Variants in PKN2 observed in about 807,000 individuals in gnomAD.
PKN2 encodes protein kinase N2, also known as serine/threonine-protein kinase N2.
Under a neutral mutation model 119.1 loss-of-function variants are expected in PKN2, and 38 were observed. That is an observed-to-expected ratio of 0.32 (90% CI 0.25 to 0.42). The LOEUF (loss-of-function observed/expected upper bound fraction) is 0.42. Among genes scored for constraint, PKN2 ranks in the 10% least tolerant of loss-of-function variants. The pLI is 1.00. For missense variants in PKN2, 850 were observed against 1,165.1 expected (o/e 0.73, Z 3.94); for synonymous variants, 390 against 384.9 (o/e 1.01, Z -0.15).
At position 88,834,030 on chromosome 1, in the gene PKN2, T is replaced by C. The variant is rs900659440; in HGVS notation, c.*582T>C. The C allele has an allele frequency of 6.6e-6, 1 of 152,134 alleles. No homozygotes were observed. The highest frequency in any genetic ancestry group is 2.1e-4 in the South Asian group (1 of 4,840). The allele number at this position is 152,134 out of a possible 1,614,324, so 9.4% of individuals were successfully genotyped here. ...TTGATGTCTTATTTTATAAATGTTC[T>C]ATATTTATTAGGAGAAAACTTTATA... On this transcript the variant is annotated 3_prime_UTR_variant, in exon 22 of 22. Coordinates refer to ENST00000370521, the MANE Select transcript of PKN2 (RefSeq NM_006256.4).
At chr1:88,770,773 G>A (rs904169945) in intron 4 of PKN2, among the ~76,000 whole-genome samples, 1 of 151,366 alleles carries the variant, frequency 6.6e-6, no homozygotes, top group Non-Finnish European at 1.5e-5. Flanking sequence ...TTTTAGTAGA[G>A]ACGGGGTTTC....
In PKN2 at chr1:88,755,893, A is replaced by G. The variant is rs569799711; in HGVS notation, c.350-4329A>G. Among the ~76,000 whole-genome samples, 10 of 151,914 alleles carry G rather than the reference A, an allele frequency of 6.6e-5. No individual in the cohort carries two copies. The South Asian group carries it at 1.7e-3, about 25-fold the overall frequency. ...TATGTAGTATTTTTACAAATTCACAAACTATCAGATCAATTGGTATATCTT... is the reference window on the plus strand; with the variant it reads ...TATGTAGTATTTTTACAAATTCACAGACTATCAGATCAATTGGTATATCTT... On this transcript the variant is annotated intron_variant, in intron 2 of 21. Coordinates refer to ENST00000370521, the MANE Select transcript of PKN2 (RefSeq NM_006256.4).
In PKN2 at chr1:88,807,610, C is replaced by T; in HGVS notation, c.2010+6C>T. ...GAAGAGGACATTTTGGAAAGGTAAT[C>T]TTTTTGGAATTTTTTGGAATATCTA... On this transcript the variant is annotated splice_donor_region_variant and intron_variant, in intron 14 of 21. Coordinates refer to ENST00000370521, the MANE Select transcript of PKN2 (RefSeq NM_006256.4). 1 of 1,604,790 alleles carries T rather than the reference C, an allele frequency of 6.2e-7. No homozygotes were observed. The highest frequency in any genetic ancestry group is 1.7e-4 in the Middle Eastern group (1 of 6,020).
chr1:88,772,851 C>T (rs1477008628), intron 6 of PKN2, among the ~76,000 whole-genome samples: 1 of 151,774 alleles, frequency 6.6e-6, no homozygotes. Flanking sequence ...TATTTTTTTT[C>T]ATTCTTCTTT....
intron 1 of PKN2, among the ~76,000 whole-genome samples, chr1:88,729,788 C>G (rs1375006858): frequency 6.6e-6 from 1 of 152,118 alleles, no homozygotes; most frequent in Non-Finnish European, 1.5e-5. Flanking sequence ...TAACAATGCA[C>G]CATAGCTTCG....
intron 6 of PKN2, among the ~76,000 whole-genome samples, chr1:88,784,034 A>G (rs1670464016): frequency 6.6e-6 from 1 of 151,386 alleles, no homozygotes; most frequent in Non-Finnish European, 1.5e-5. Flanking sequence ...CATATTATTT[A>G]GCTTTATGTT....
intron 6 of PKN2, among the ~76,000 whole-genome samples, chr1:88,773,792 AAG>A (rs1237626327): frequency 6.6e-6 from 1 of 152,134 alleles, no homozygotes; most frequent in African/African-American, 2.4e-5. Context: ...GAAAGAAAGA[AAG>A]AGAGAGAAAC....
At chr1:88,687,815 G>A (rs1666163902) in intron 1 of PKN2, among the ~76,000 whole-genome samples, 1 of 152,156 alleles carries the variant, frequency 6.6e-6, no homozygotes, top group Non-Finnish European at 1.5e-5. Flanking sequence ...TGACAAGATA[G>A]GTTTTTGCTT....
chr1:88,822,046 G>T, intron 17 of PKN2, 43 bp downstream of exon 17: 3 of 1,410,122 alleles, frequency 2.1e-6, no homozygotes, highest in South Asian at 1.4e-5. Context: ...GCTTTGGTAT[G>T]ATTTAGAATT....
intron 16 of PKN2, among the ~76,000 whole-genome samples, chr1:88,820,233 T>TATATAA (rs1672212653): frequency 9.5e-5 from 5 of 52,716 alleles, no homozygotes; most frequent in Non-Finnish European, 1.8e-4. Context: ...TATATATATA[T>TATATAA]AAATAGAAAA....
intron 11 of PKN2, 39 bp from the exon 12 acceptor site, chr1:88,805,852 T>C: frequency 1.9e-6 from 3 of 1,611,610 alleles, no homozygotes; most frequent in Non-Finnish European, 2.5e-6. Context: ...ATACAGACTT[T>C]CTATTACTGT....
At chr1:88,767,136 CATT>C (rs1669696356) in intron 3 of PKN2, among the ~76,000 whole-genome samples, 1 of 152,068 alleles carries the variant, frequency 6.6e-6, no homozygotes, top group South Asian at 2.1e-4. Context: ...GACACTTAAT[CATT>C]ATTTTTATTG....
At chr1:88,743,997 A>G (rs1668672523) in intron 2 of PKN2, among the ~76,000 whole-genome samples, 1 of 152,118 alleles carries the variant, frequency 6.6e-6, no homozygotes, top group Non-Finnish European at 1.5e-5. Flanking sequence ...TCAAATTTTT[A>G]TTTTATTAAA....
intron 16 of PKN2, among the ~76,000 whole-genome samples, chr1:88,815,070 A>G (rs1335526439): frequency 2.0e-5 from 3 of 152,230 alleles, no homozygotes; most frequent in Non-Finnish European, 4.4e-5. Flanking sequence ...AAGGCTACGA[A>G]TAATTCATTC....
intron 1 of PKN2, among the ~76,000 whole-genome samples, chr1:88,692,436 T>A (rs1444384342): frequency 1.3e-5 from 2 of 152,222 alleles, no homozygotes; most frequent in Non-Finnish European, 2.9e-5. Flanking sequence ...TAAGAGATGA[T>A]GCAGAACTTT....
chr1:88,819,048 T>G (rs928211310), intron 16 of PKN2, among the ~76,000 whole-genome samples: 1 of 151,852 alleles, frequency 6.6e-6, no homozygotes, highest in African/African-American at 2.4e-5. Flanking sequence ...ATTAAAGACT[T>G]GAACATAAGA....
chr1:88,719,496 T>C (rs1667583675), intron 1 of PKN2, among the ~76,000 whole-genome samples: 1 of 152,320 alleles, frequency 6.6e-6, no homozygotes, highest in African/African-American at 2.4e-5. Context: ...TTAGTTTTGT[T>C]GTTGTTTTGT....
intron 1 of PKN2, among the ~76,000 whole-genome samples, chr1:88,705,956 A>G (rs773728013): frequency 3.3e-5 from 5 of 151,824 alleles, no homozygotes; most frequent in Non-Finnish European, 5.9e-5. Flanking sequence ...CCTTTTTCAA[A>G]TTTGTTTTGA....
At chr1:88,795,196 T>C (rs1671011572) in intron 8 of PKN2, among the ~76,000 whole-genome samples, 1 of 152,190 alleles carries the variant, frequency 6.6e-6, no homozygotes, top group African/African-American at 2.4e-5. Flanking sequence ...TTTTGTATCT[T>C]CCTCCTTGGT....
Sources: allele counts gnomAD v4.1 joint callset (sites outside exome capture counted in the v4.1 genomes callset), GRCh38; gene constraint gnomAD v4.1.1; transcripts MANE v1.5; gene names NCBI Gene and HGNC (gene_info 2026-07-23, HGNC 2026-07-21).